The following KCNJ3 variants were observed in gnomAD, a reference collection of about 807,000 sequenced individuals.
KCNJ3 encodes the protein potassium inwardly rectifying channel subfamily J member 3.
In KCNJ3, 4 loss-of-function variants were observed where a neutral mutation model predicts 39.2. The observed-to-expected ratio is 0.10, with a 90% CI of 0.05 to 0.23. The LOEUF (loss-of-function observed/expected upper bound fraction) is 0.23, where lower values mean the gene tolerates loss of function less well. KCNJ3 is among the 10% of genes least tolerant of loss of function. The pLI is 1.00. For missense variants in KCNJ3, 276 were observed against 634.9 expected, an observed-to-expected ratio of 0.43 and a Z score of 6.08; for synonymous variants, 230 against 237.4, an observed-to-expected ratio of 0.97 and a Z score of 0.29.
chr2:154,735,411 G>T (rs1027496875), intron 2 of KCNJ3, among the ~76,000 whole-genome samples: 2 of 152,134 alleles, frequency 1.3e-5, no homozygotes, highest in Non-Finnish European at 2.9e-5. Flanking sequence ...ACGGAGCCCG[G>T]CCATAGGCCT....
chr2:154,747,100 G>A (rs1174046234), intron 2 of KCNJ3, among the ~76,000 whole-genome samples: 1 of 151,720 alleles, frequency 6.6e-6, no homozygotes, highest in Non-Finnish European at 1.5e-5. Flanking sequence ...TGAGAGTTGT[G>A]TTTTATAGTT....
chr2:154,789,257 A>G lies in KCNJ3; in HGVS notation c.920-65470A>G, dbSNP rs1273054440. Among the ~76,000 whole-genome samples the G allele has an allele frequency of 4.6e-5, 7 of 152,098 alleles. No individual in the cohort carries two copies. In the East Asian group the frequency reaches 1.3e-3, roughly 29 times the overall value. ...GGCCTAATAGTAATCAGTAAAGTAA[A>G]GAAGACAGTGGTCATGGGGGAAATT... On this transcript the variant is annotated intron_variant, in intron 2 of 2. Coordinates refer to ENST00000295101, the MANE Select transcript of KCNJ3 (RefSeq NM_002239.4).
At chr2:154,730,211 A>T (rs1287088394) in intron 2 of KCNJ3, among the ~76,000 whole-genome samples, 1 of 152,054 alleles carries the variant, frequency 6.6e-6, no homozygotes, top group Non-Finnish European at 1.5e-5. Context: ...TTATCTCTCC[A>T]TTGCATTGGT....
intron 2 of KCNJ3, among the ~76,000 whole-genome samples, chr2:154,736,914 T>C (rs115184744): frequency 2.1e-3 from 314 of 152,258 alleles, no homozygotes; most frequent in African/African-American, 7.1e-3. Flanking sequence ...AGGTAAAGCA[T>C]AGAGATGTCC....
chr2:154,777,381 T>G (rs1369911962), intron 2 of KCNJ3, among the ~76,000 whole-genome samples: 1 of 152,176 alleles, frequency 6.6e-6, no homozygotes, highest in Non-Finnish European at 1.5e-5. Context: ...CCATGTACAT[T>G]TATTGGGTTA....
intron 2 of KCNJ3, among the ~76,000 whole-genome samples, chr2:154,823,470 T>G (rs1015416260): frequency 1.5e-4 from 23 of 151,994 alleles, no homozygotes; most frequent in African/African-American, 5.3e-4. Context: ...TTTGATTTAT[T>G]CAGTTTTTTA....
chr2:154,703,489 G>A (rs1400965979), intron 1 of KCNJ3, among the ~76,000 whole-genome samples: 1 of 151,626 alleles, frequency 6.6e-6, no homozygotes, highest in South Asian at 2.1e-4. Flanking sequence ...ATGTGTGTGT[G>A]TGTGTGTGTG....
intron 1 of KCNJ3, among the ~76,000 whole-genome samples, chr2:154,703,779 T>C (rs75612423): frequency 8.5e-6 from 1 of 117,684 alleles, no homozygotes; most frequent in African/African-American, 3.2e-5. Flanking sequence ...AACTGACTCT[T>C]CACCAATTGA....
intron 2 of KCNJ3, among the ~76,000 whole-genome samples, chr2:154,732,677 A>G (rs1462212950): frequency 1.3e-5 from 2 of 152,276 alleles, no homozygotes; most frequent in Admixed American, 6.5e-5. Context: ...TACTCACACC[A>G]TCTCCATGAG....
chr2:154,746,925 C>T (rs957119413), intron 2 of KCNJ3, among the ~76,000 whole-genome samples: 1 of 151,616 alleles, frequency 6.6e-6, no homozygotes, highest in Non-Finnish European at 1.5e-5. Flanking sequence ...TTGCTTGAAT[C>T]TTACCAATAA....
At chr2:154,718,769 T>C (rs1318912330) in intron 2 of KCNJ3, among the ~76,000 whole-genome samples, 1 of 152,186 alleles carries the variant, frequency 6.6e-6, no homozygotes, top group Non-Finnish European at 1.5e-5. Context: ...AACACAGCCC[T>C]TAACATCTTA....
Position 154,699,265 on chromosome 2 carries a change from TTCCAGTCCA to T in KCNJ3, c.494_502del (p.Gln165_Ile167del), listed in dbSNP as rs1344559639. On this transcript the variant is annotated inframe_deletion, in exon 1 of 3. Coordinates refer to ENST00000295101, the MANE Select transcript of KCNJ3 (RefSeq NM_002239.4). This position sits in a 1 kb window ranked among gnomAD's most constrained non-coding sequence, Gnocchi z 6.4. ...CCCCGAGGGCATCATCCTCTTCCTC[TTCCAGTCCA>T]TCCTGGGCTCCATCGTGGACGCCTT... 1 of 1,613,946 alleles carries T rather than the reference TTCCAGTCCA, an allele frequency of 6.2e-7. No individual in the cohort carries two copies. Among genetic ancestry groups the T allele is most frequent in the African/African-American group, 1.3e-5 (1 of 74,930 alleles).
intron 2 of KCNJ3, among the ~76,000 whole-genome samples, chr2:154,763,833 A>C (rs939409394): frequency 2.6e-5 from 4 of 152,180 alleles, no homozygotes; most frequent in Admixed American, 6.6e-5. Flanking sequence ...GATATTTCAG[A>C]GGTTAGATAG....
chr2:154,722,214 G>A (rs1372137049), intron 2 of KCNJ3, among the ~76,000 whole-genome samples: 9 of 151,828 alleles, frequency 5.9e-5, no homozygotes, highest in East Asian at 1.9e-4. Context: ...AACAAACTAC[G>A]TATCAAGCAC....
chr2:154,719,073 T>TGTATCATAATCATAACCCTTGGAAAA (rs1476988180), intron 2 of KCNJ3, among the ~76,000 whole-genome samples: 1 of 152,184 alleles, frequency 6.6e-6, no homozygotes. Flanking sequence ...GTCTTGGGAC[T>TGTATCATAATCATAACCCTTGGAAAA]ACCTGTATCA....
chr2:154,841,709 A>G (rs188294452), intron 2 of KCNJ3, among the ~76,000 whole-genome samples: 1 of 151,832 alleles, frequency 6.6e-6, no homozygotes, highest in African/African-American at 2.4e-5. Flanking sequence ...TAGATTTTCT[A>G]GTTTTTTTGC....
chr2:154,720,522 T>A (rs1187685288), intron 2 of KCNJ3, among the ~76,000 whole-genome samples: 1 of 152,142 alleles, frequency 6.6e-6, no homozygotes, highest in Non-Finnish European at 1.5e-5. Flanking sequence ...AATTTTATTT[T>A]ACTTTATTTT....
intron 2 of KCNJ3, among the ~76,000 whole-genome samples, chr2:154,711,651 A>C (rs1685104762): frequency 6.6e-6 from 1 of 152,080 alleles, no homozygotes; most frequent in African/African-American, 2.4e-5. Flanking sequence ...TAGGCCGGGT[A>C]TTTTGTAGAA....
chr2:154,702,311 A>G (rs1003803349), intron 1 of KCNJ3, among the ~76,000 whole-genome samples: 1 of 151,900 alleles, frequency 6.6e-6, no homozygotes, highest in African/African-American at 2.4e-5. Context: ...TTCTTTTCCT[A>G]CTACCTAATT....
Sources: allele counts gnomAD v4.1 joint callset (sites outside exome capture counted in the v4.1 genomes callset), GRCh38; gene constraint gnomAD v4.1.1; non-coding constraint Gnocchi (gnomAD v3.1); transcripts MANE v1.5; gene names NCBI Gene and HGNC (gene_info 2026-07-23, HGNC 2026-07-21).